Variants in NUGGC observed in about 807,000 individuals in gnomAD.
The protein encoded by NUGGC is nuclear GTPase SLIP-GC.
In NUGGC, 58 loss-of-function variants were observed where a neutral mutation model predicts 92.6. That is an observed-to-expected ratio of 0.63 (90% CI 0.51 to 0.78). The LOEUF (loss-of-function observed/expected upper bound fraction) is 0.78. Among genes scored for constraint, NUGGC ranks in the 30% least tolerant of loss-of-function variants. NUGGC has a pLI of 0.00. For missense variants in NUGGC, 925 were observed against 964.6 expected (o/e 0.96, Z 0.54); for synonymous variants, 376 against 366.4 (o/e 1.03, Z -0.30).
chr8:28,042,245 G>T (rs1563218589), intron 12 of NUGGC, among the ~76,000 whole-genome samples: 1 of 152,122 alleles, frequency 6.6e-6, no homozygotes, highest in Non-Finnish European at 1.5e-5. Flanking sequence ...TACAGTTCCA[G>T]ACTGGGAACT....
chr8:28,032,018 C>T (rs926934342), intron 14 of NUGGC, among the ~76,000 whole-genome samples: 4 of 152,316 alleles, frequency 2.6e-5, no homozygotes, highest in Middle Eastern at 3.4e-3. Flanking sequence ...GAGCTAATGC[C>T]TGCCAAGTGC....
intron 7 of NUGGC, among the ~76,000 whole-genome samples, chr8:28,063,437 T>G (rs1198508656): frequency 1.3e-5 from 2 of 152,142 alleles, no homozygotes; most frequent in Non-Finnish European, 2.9e-5. Context: ...AGATTCGCGA[T>G]TTCCACCCCA....
chr8:28,040,742 G>A (rs1809674035), intron 13 of NUGGC, among the ~76,000 whole-genome samples: 1 of 151,938 alleles, frequency 6.6e-6, no homozygotes, highest in South Asian at 2.1e-4. Flanking sequence ...CGCCTCCCTG[G>A]TTCAAGCAAT....
chr8:28,028,859 G>A (rs775872167), intron 17 of NUGGC, among the ~76,000 whole-genome samples: 6 of 152,112 alleles, frequency 3.9e-5, no homozygotes, highest in Admixed American at 3.3e-4. Context: ...TTTTGAGATC[G>A]TGCTATTGTT....
At position 28,050,327 on chromosome 8, in the gene NUGGC, G is replaced by A. The variant is rs188372662; in HGVS notation, c.1207-2715C>T. 1.1e-4 allele frequency among the ~76,000 whole-genome samples: 16 copies of A among 151,914 alleles called. No individual in the cohort carries two copies. The East Asian group carries it at 2.5e-3, about 24-fold the overall frequency. ...TTGAACCAGGGAGGCAGATATTGTG[G>A]TAAGCCAAGATCGTGCCATTACATT... On this transcript the variant is annotated intron_variant, in intron 10 of 18. Transcript: ENST00000413272.
At chr8:28,024,624 T>C (rs887566834) in intron 18 of NUGGC, among the ~76,000 whole-genome samples, 1 of 152,194 alleles carries the variant, frequency 6.6e-6, no homozygotes, top group African/African-American at 2.4e-5. Flanking sequence ...CTGAATGCCT[T>C]TCTAATCCCC....
intron 1 of NUGGC, among the ~76,000 whole-genome samples, chr8:28,079,411 G>A (rs547635589): frequency 1.3e-5 from 2 of 151,744 alleles, no homozygotes; most frequent in South Asian, 2.1e-4. Context: ...GTGGTGGCAC[G>A]CGCCTGTAAT....
At chr8:28,038,418 C>T (rs1002115347) in intron 13 of NUGGC, among the ~76,000 whole-genome samples, 15 of 152,196 alleles carry the variant, frequency 9.9e-5, no homozygotes, top group Non-Finnish European at 1.6e-4. Context: ...CCAGCATTAT[C>T]ACTTTACGTT....
At chr8:28,069,805 G>T (rs905915429) in intron 3 of NUGGC, 153 bp from the exon 4 acceptor site, 4 of 619,792 alleles carry the variant, frequency 6.5e-6, no homozygotes, top group African/African-American at 5.5e-5. Context: ...CTCACACGAG[G>T]GATGGCGGCT....
intron 13 of NUGGC, among the ~76,000 whole-genome samples, chr8:28,036,429 T>C (rs1395311843): frequency 6.6e-6 from 1 of 152,080 alleles, no homozygotes; most frequent in Non-Finnish European, 1.5e-5. Flanking sequence ...TATATGTGCA[T>C]CAATTCCATG....
chr8:28,037,633 C>T (rs1015032780), intron 13 of NUGGC, among the ~76,000 whole-genome samples: 2 of 152,192 alleles, frequency 1.3e-5, no homozygotes, highest in Non-Finnish European at 2.9e-5. Context: ...CAGGCCTGAG[C>T]TATTCAGCAC....
chr8:28,058,706 AT>A (rs35352060), intron 8 of NUGGC, among the ~76,000 whole-genome samples: 1,541 of 146,170 alleles, frequency 0.011, 20 homozygotes, highest in African/African-American at 0.032. Context: ...AATTATGTTA[AT>A]TTTTTTTTTT....
chr8:28,041,103 C>A lies in NUGGC; in HGVS notation c.1559G>T (p.Gly520Val). ...GTAAGAAGTCCTGGCGGTCCTGACC[C>A]CTTCTTGCAGAGGCTGCTCCATGCA... ...FACMEQPLQE[G>V]VRTARTSYRC... The change falls in exon 13 of 19, where the codon GGG becomes GTG. Residue 520 changes from glycine to valine, a missense_variant. Physicochemically the swap from Gly to Val is moderately radical, Grantham distance 109. Transcript: ENST00000413272. The A allele has an allele frequency of 6.2e-7, 1 of 1,608,198 alleles. No individual in the cohort carries two copies. Among genetic ancestry groups the A allele is most frequent in the Non-Finnish European group, 8.5e-7 (1 of 1,177,550 alleles).
chr8:28,050,260 C>T (rs1478121039), intron 10 of NUGGC, among the ~76,000 whole-genome samples: 5 of 152,066 alleles, frequency 3.3e-5, no homozygotes, highest in African/African-American at 1.2e-4. Context: ...TGGTGAGTGC[C>T]TGTAATCCCA....
intron 14 of NUGGC, among the ~76,000 whole-genome samples, chr8:28,032,819 C>T (rs1043636835): frequency 6.6e-6 from 1 of 151,648 alleles, no homozygotes; most frequent in Non-Finnish European, 1.5e-5. Context: ...TGTATGTGAG[C>T]AGGCAGAGTG....
At chr8:28,052,477 CTT>C (rs1223383515) in intron 10 of NUGGC, among the ~76,000 whole-genome samples, 1 of 151,994 alleles carries the variant, frequency 6.6e-6, no homozygotes, top group Non-Finnish European at 1.5e-5. Context: ...TGACTGGTGT[CTT>C]TAAAAAAAGG....
At chr8:28,080,102 C>T (rs1013308610) in intron 1 of NUGGC, among the ~76,000 whole-genome samples, 8 of 152,076 alleles carry the variant, frequency 5.3e-5, no homozygotes, top group Admixed American at 3.9e-4. Flanking sequence ...CCACCATGCC[C>T]GGCTAATTTT....
At chr8:28,073,113 C>T (rs1257559362) in intron 2 of NUGGC, among the ~76,000 whole-genome samples, 4 of 151,804 alleles carry the variant, frequency 2.6e-5, no homozygotes, top group African/African-American at 7.3e-5. Flanking sequence ...AGCAATCCTC[C>T]GACCTCAGCT....
chr8:28,081,911 T>C (rs1810860636), intron 1 of NUGGC, among the ~76,000 whole-genome samples: 1 of 150,888 alleles, frequency 6.6e-6, no homozygotes, highest in African/African-American at 2.5e-5. Context: ...GTCAAGTTTT[T>C]TCTTGCTCTC....
Sources: allele counts gnomAD v4.1 joint callset (sites outside exome capture counted in the v4.1 genomes callset), GRCh38; gene constraint gnomAD v4.1.1; transcripts MANE v1.5; gene names NCBI Gene and HGNC (gene_info 2026-07-23, HGNC 2026-07-21).